Variants in PDE5A observed in about 807,000 individuals in gnomAD.
The protein encoded by PDE5A is cGMP-specific 3',5'-cyclic phosphodiesterase.
Under a neutral mutation model 110.2 loss-of-function variants are expected in PDE5A, and 67 were observed. That is an observed-to-expected ratio of 0.61 (90% CI 0.50 to 0.75). The LOEUF (loss-of-function observed/expected upper bound fraction) is 0.75. Ranked by LOEUF, PDE5A falls within the 30% of genes least tolerant of loss-of-function variation. The probability of loss-of-function intolerance (pLI) is 0.00; values close to 1 mark genes in which losing one functional copy is unlikely to be tolerated. For synonymous variants in PDE5A, 328 were observed against 351.2 expected (o/e 0.93, Z 0.74); for missense variants, 862 against 1,045.1 (o/e 0.82, Z 2.42).
chr4:119,628,088 G>C, intron 1 of PDE5A: 1 of 964,324 alleles, frequency 1.0e-6, no homozygotes, highest in Non-Finnish European at 1.2e-6. Context: ...GGCGAGGGGG[G>C]ACGGGGGAGG....
At chr4:119,504,465 T>G in intron 18 of PDE5A, 71 bp downstream of exon 18, 1 of 1,135,406 alleles carries the variant, frequency 8.8e-7, no homozygotes, top group Non-Finnish European at 1.3e-6. Flanking sequence ...GGTAGATACC[T>G]AGTAGTGGGA....
At position 119,579,129 on chromosome 4, in the gene PDE5A, A is replaced by C. The variant is rs1160823497; in HGVS notation, c.832-11985T>G. Among the ~76,000 whole-genome samples, 672 of 151,784 alleles carry C rather than the reference A, an allele frequency of 4.4e-3. 3 individuals carry two copies. Among genetic ancestry groups the C allele is most frequent in the Non-Finnish European group, 7.4e-3 (500 of 67,874 alleles). Reference sequence around the variant, plus strand: ...GCCATCAGAGAAATGCAAATCAAAAACACAATGAGATACCATCTCACACCA... The same window carrying C: ...GCCATCAGAGAAATGCAAATCAAAACCACAATGAGATACCATCTCACACCA... On this transcript the variant is annotated intron_variant, in intron 3 of 20. Transcript: ENST00000354960.
At chr4:119,619,541 C>G (rs1186014142) in intron 1 of PDE5A, among the ~76,000 whole-genome samples, 1 of 152,128 alleles carries the variant, frequency 6.6e-6, no homozygotes, top group African/African-American at 2.4e-5. Flanking sequence ...CACAATCCCA[C>G]AAAAACTTCT....
At chr4:119,581,970 G>C (rs1180724523) in intron 3 of PDE5A, among the ~76,000 whole-genome samples, 1 of 152,212 alleles carries the variant, frequency 6.6e-6, no homozygotes, top group Non-Finnish European at 1.5e-5. Flanking sequence ...TAACTTTGAT[G>C]TTGATGGCTG....
chr4:119,618,774 GTT>G lies in PDE5A; in HGVS notation c.152+9744_152+9745del, dbSNP rs547307590. On this transcript the variant is annotated intron_variant, in intron 1 of 20. Coordinates refer to ENST00000354960, the MANE Select transcript of PDE5A (RefSeq NM_001083.4). The stretch of plus-strand genomic sequence containing the variant: ...CTTCATAATTCTAAACTGGAGCACA[GTT>G]TTAATATCTGATAAAACAACGCTTT... Among the ~76,000 whole-genome samples the G allele has an allele frequency of 7.4e-3, 1,127 of 152,218 alleles. 15 individuals carry two copies. The highest frequency in any genetic ancestry group is 0.025 in the African/African-American group (1,034 of 41,538).
Position 119,560,329 on chromosome 4 carries a change from T to C in PDE5A, c.1166A>G (p.Glu389Gly). Residue 389 changes from glutamate (E) to glycine (G), a missense_variant, in exon 7 of 21, where the codon GAG (glutamate) becomes GGG (glycine). Coordinates refer to ENST00000354960, the MANE Select transcript of PDE5A (RefSeq NM_001083.4). ...TGTATCAGATGATTTTTCTAATTCC[T>C]CACACTCCATGTGAAACACACTAGA... ...SFSSVFHMEC[E>G]ELEKSSDTLT... The C allele has an allele frequency of 1.3e-6, 2 of 1,590,510 alleles. No individual in the cohort carries two copies. The highest frequency in any genetic ancestry group is 1.7e-6 in the Non-Finnish European group (2 of 1,169,104).
intron 9 of PDE5A, among the ~76,000 whole-genome samples, chr4:119,547,715 G>A (rs1048817375): frequency 7.2e-5 from 11 of 151,832 alleles, no homozygotes; most frequent in Admixed American, 7.2e-4. Flanking sequence ...AGGAGAATGC[G>A]TTTCAGGTTC....
chr4:119,522,965 A>G (rs1726182955), intron 12 of PDE5A, among the ~76,000 whole-genome samples: 1 of 152,096 alleles, frequency 6.6e-6, no homozygotes, highest in African/African-American at 2.4e-5. Flanking sequence ...AAAAGAAGAA[A>G]CAGAAAACAG....
intron 3 of PDE5A, among the ~76,000 whole-genome samples, chr4:119,574,996 C>T (rs931397756): frequency 2.6e-5 from 4 of 151,988 alleles, no homozygotes; most frequent in Admixed American, 6.5e-5. Context: ...CTTAAAGGAC[C>T]GGATGGAGCT....
intron 11 of PDE5A, among the ~76,000 whole-genome samples, chr4:119,529,877 A>G (rs1726470020): frequency 6.6e-6 from 1 of 152,136 alleles, no homozygotes; most frequent in Admixed American, 6.6e-5. Flanking sequence ...ATCCGTTTCC[A>G]TTAGAGCAGC....
chr4:119,570,807 C>T (rs1728115132), intron 3 of PDE5A, among the ~76,000 whole-genome samples: 1 of 152,044 alleles, frequency 6.6e-6, no homozygotes, highest in Middle Eastern at 3.2e-3. Context: ...CTCTCAGCCT[C>T]AGAAGATCTC....
chr4:119,498,592 A>G lies in PDE5A; in HGVS notation c.*9T>C. The G allele has an allele frequency of 6.2e-7, 1 of 1,613,892 alleles. No individual in the cohort carries two copies. The highest frequency in any genetic ancestry group is 8.5e-7 in the Non-Finnish European group (1 of 1,179,854). On this transcript the variant is annotated 3_prime_UTR_variant, in exon 21 of 21. Transcript: ENST00000354960. ...TCTGTAAACTTCAACTCTGCATGAA[A>G]TAGGCCACTCAGTTCCGCTTGGCCT...
chr4:119,510,956 A>G lies in PDE5A; in HGVS notation c.2088+91T>C, dbSNP rs574858792. On this transcript the variant is annotated intron_variant, in intron 15 of 20. Coordinates refer to ENST00000354960, the MANE Select transcript of PDE5A (RefSeq NM_001083.4). Reference sequence around the variant, plus strand: ...AGGAATAAAGTATGTGCAAGAATTTATGATGCTGGGAATAAATCCAAGAAC... The same window carrying G: ...AGGAATAAAGTATGTGCAAGAATTTGTGATGCTGGGAATAAATCCAAGAAC... 3 of 868,138 alleles carry G rather than the reference A, an allele frequency of 3.5e-6. No individual in the cohort carries two copies. The South Asian group carries it at 5.1e-5, about 15-fold the overall frequency. 53.8% of individuals were successfully genotyped at this position (868,138 alleles called of 1,614,324 possible). A position where few individuals can be genotyped will look rare whatever the true frequency, so the allele number is the denominator to read the frequency against.
At chr4:119,577,864 G>C (rs1476102367) in intron 3 of PDE5A, among the ~76,000 whole-genome samples, 1 of 152,146 alleles carries the variant, frequency 6.6e-6, no homozygotes, top group Non-Finnish European at 1.5e-5. Flanking sequence ...AGGAAATAAA[G>C]GGTATTCAGT....
At position 119,495,787 on chromosome 4, in the gene PDE5A, A is replaced by C. The variant is rs1404735281; in HGVS notation, c.*2814T>G. ...GCTCTAAATCTCACATTCACTAGTG[A>C]TCTGCAAGTGAAGCTGAATAAATAT... On this transcript the variant is annotated 3_prime_UTR_variant, in exon 21 of 21. Coordinates refer to ENST00000354960, the MANE Select transcript of PDE5A (RefSeq NM_001083.4). 6.6e-6 allele frequency: 1 copy of C among 152,286 alleles called. No individual in the cohort carries two copies. Among genetic ancestry groups the C allele is most frequent in the East Asian group, 1.9e-4 (1 of 5,164 alleles). 9.4% of individuals were successfully genotyped at this position (152,286 alleles called of 1,614,324 possible).
intron 3 of PDE5A, among the ~76,000 whole-genome samples, chr4:119,577,206 C>T (rs1177183929): frequency 1.6e-5 from 1 of 62,682 alleles, no homozygotes; most frequent in Non-Finnish European, 3.8e-5. Flanking sequence ...AGCTTACCAA[C>T]CAAAAAAAGT....
At chr4:119,622,813 G>A (rs1211604531) in intron 1 of PDE5A, among the ~76,000 whole-genome samples, 1 of 135,258 alleles carries the variant, frequency 7.4e-6, no homozygotes, top group Non-Finnish European at 1.5e-5. Flanking sequence ...GCAATGAGCC[G>A]AGATTGCGCC....
At chr4:119,571,202 C>G (rs146840951) in intron 3 of PDE5A, among the ~76,000 whole-genome samples, 308 of 152,272 alleles carry the variant, frequency 2.0e-3, no homozygotes, top group African/African-American at 7.2e-3. Flanking sequence ...AAGGAATCAT[C>G]AAGTTATGGT....
At chr4:119,542,867 G>C (rs1423878477) in intron 9 of PDE5A, among the ~76,000 whole-genome samples, 3 of 151,980 alleles carry the variant, frequency 2.0e-5, no homozygotes, top group African/African-American at 7.3e-5. Flanking sequence ...AAATCCTAGA[G>C]TACTATTTTC....
Sources: allele counts gnomAD v4.1 joint callset (sites outside exome capture counted in the v4.1 genomes callset), GRCh38; gene constraint gnomAD v4.1.1; transcripts MANE v1.5; gene names NCBI Gene and HGNC (gene_info 2026-07-23, HGNC 2026-07-21).